ADH1B: variants seen among roughly 807,000 people sequenced by gnomAD.
ADH1B encodes alcohol dehydrogenase 1B (class I), beta polypeptide.
A neutral mutation model predicts 34.6 loss-of-function variants in ADH1B; 29 were observed. That is an observed-to-expected ratio of 0.84 (90% CI 0.62 to 1.14). ADH1B has a LOEUF of 1.14. Among genes scored for constraint, ADH1B ranks in the 50% most tolerant of loss-of-function variants. ADH1B has a pLI of 0.00. For missense variants in ADH1B, 424 were observed against 468.4 expected, an observed-to-expected ratio of 0.91 and a Z score of 0.87; for synonymous variants, 170 against 175.5, an observed-to-expected ratio of 0.97 and a Z score of 0.25.
intron 8 of ADH1B, 108 bp from the exon 9 acceptor site, chr4:99,307,972 C>G: frequency 1.4e-6 from 2 of 1,408,788 alleles, no homozygotes; most frequent in Non-Finnish European, 9.9e-7. Context: ...TGTCTGTGAT[C>G]CCAGCTACCC....
chr4:99,312,035 CT>C (rs929782118), intron 6 of ADH1B, among the ~76,000 whole-genome samples: 1 of 152,306 alleles, frequency 6.6e-6, no homozygotes, highest in African/African-American at 2.4e-5. Context: ...CTGTCCATTT[CT>C]CAAACGGACA....
At chr4:99,308,008 C>T (rs1579506890) in intron 8 of ADH1B, 144 bp from the exon 9 acceptor site, 2 of 1,079,690 alleles carry the variant, frequency 1.9e-6, no homozygotes, top group African/African-American at 3.3e-5. Flanking sequence ...ACATTTGGTT[C>T]AAGAAAAAGG....
In ADH1B at chr4:99,318,227, A is replaced by G. The variant is rs1383027742; in HGVS notation, c.121-43T>C. The G allele has an allele frequency of 2.5e-6, 4 of 1,609,370 alleles. No homozygotes were observed. The African/African-American group carries it at 4.0e-5, about 16-fold the overall frequency. On this transcript the variant is annotated intron_variant, in intron 2 of 8. Transcript: ENST00000305046. Reference sequence around the variant, plus strand: ...GCTGTTCAGATTCAGAAAAGATTGTAACTAGATGAATTTAACATACCCAAA... The same window carrying G: ...GCTGTTCAGATTCAGAAAAGATTGTGACTAGATGAATTTAACATACCCAAA...
intron 8 of ADH1B, among the ~76,000 whole-genome samples, chr4:99,309,846 T>C (rs1334930285): frequency 1.3e-5 from 2 of 152,076 alleles, no homozygotes; most frequent in Admixed American, 6.6e-5. Context: ...CAGGAGATAA[T>C]GCAGGTAAGA....
In ADH1B at chr4:99,315,789, G is replaced by A. The variant is rs1162300960; in HGVS notation, c.567+109C>T. The A allele has an allele frequency of 5.8e-6, 8 of 1,380,180 alleles. No homozygotes were observed. The African/African-American group carries it at 8.6e-5, about 15-fold the overall frequency. 85.5% of individuals were successfully genotyped at this position (1,380,180 alleles called of 1,614,324 possible). A position where few individuals can be genotyped will look rare whatever the true frequency, so the allele number is the denominator to read the frequency against. On this transcript the variant is annotated intron_variant, in intron 5 of 8. Transcript: ENST00000305046. ...CTGGGCCATTTTTCTACTCATAATC[G>A]ACACTTTAAATCTACAAAAATAATT...
In ADH1B at chr4:99,314,359, T is replaced by A. The variant is rs540957054; in HGVS notation, c.568-278A>T. 66 of 475,652 alleles carry A rather than the reference T, an allele frequency of 1.4e-4. No homozygotes were observed. The South Asian group carries it at 2.1e-3, about 15-fold the overall frequency. 29.5% of individuals were successfully genotyped at this position (475,652 alleles called of 1,614,324 possible). On this transcript the variant is annotated intron_variant, in intron 5 of 8. Transcript: ENST00000305046. The stretch of plus-strand genomic sequence containing the variant: ...CAGCCCATGTCAATTAAATGAGGAA[T>A]CTCTGCAGGTGGACTCAGTCCCCAG...
chr4:99,316,117 A>G lies in ADH1B; in HGVS notation c.348T>C (p.Asp116=). Residue 116 remains aspartate, a splice_region_variant and synonymous_variant, in exon 5 of 9, where the codon GAT becomes GAC. Coordinates refer to ENST00000305046, the MANE Select transcript of ADH1B (RefSeq NM_000668.6). ...GCAGGGTCCCCCGAGGATTGCCTAG[A>G]CTGGGCAGTGCAATACACAGACACA... is the stretch of plus-strand genomic sequence containing the variant. ...NPESNYCLKN[D]LGNPRGTLQD... is the part of the protein sequence containing the mutation. 6.2e-7 allele frequency: 1 copy of G among 1,614,182 alleles called. No individual in the cohort carries two copies. The highest frequency in any genetic ancestry group is 8.5e-7 in the Non-Finnish European group (1 of 1,180,022).
Position 99,307,774 on chromosome 4 carries a change from G to A in ADH1B, c.*66C>T. On this transcript the variant is annotated 3_prime_UTR_variant, in exon 9 of 9. Coordinates refer to ENST00000305046, the MANE Select transcript of ADH1B (RefSeq NM_000668.6). Reference sequence around the variant, plus strand: ...GCTGAATTAATGATATTTCCTAGCTGTTGCTCCAGATCTTGTAGGGTAGAG... The same window carrying A: ...GCTGAATTAATGATATTTCCTAGCTATTGCTCCAGATCTTGTAGGGTAGAG... 1.9e-6 allele frequency: 3 copies of A among 1,557,150 alleles called. No homozygotes were observed. Among genetic ancestry groups the A allele is most frequent in the Non-Finnish European group, 2.7e-6 (3 of 1,128,966 alleles).
intron 2 of ADH1B, chr4:99,318,512 G>T: frequency 2.0e-6 from 1 of 506,446 alleles, no homozygotes; most frequent in Non-Finnish European, 3.4e-6. Flanking sequence ...AATATTAATT[G>T]ATTTTGAAGT....
intron 5 of ADH1B, 137 bp from the exon 6 acceptor site, chr4:99,314,218 T>A: frequency 7.3e-7 from 1 of 1,378,678 alleles, no homozygotes; most frequent in Non-Finnish European, 9.8e-7. Flanking sequence ...AAACCTCTTT[T>A]GGCTTCAGTT....
rs139844642 is a variant in ADH1B at position 99,318,416 on chromosome 4, G to T, written c.121-232C>A. On this transcript the variant is annotated intron_variant, in intron 2 of 8. Transcript: ENST00000305046. ...ATTTAGAATAATCTGTGAAATAATT[G>T]ATTCTGAAATATTTAAGTCTTATGT... The T allele has an allele frequency of 1.6e-3, 922 of 583,432 alleles. 7 individuals carry two copies. Among genetic ancestry groups the T allele is most frequent in the African/African-American group, 0.016 (802 of 51,720 alleles). 36.1% of individuals were successfully genotyped at this position (583,432 alleles called of 1,614,324 possible).
At chr4:99,313,756 T>C (rs1258819677) in intron 6 of ADH1B, 65 bp downstream of exon 6, 2 of 1,613,040 alleles carry the variant, frequency 1.2e-6, no homozygotes, top group Non-Finnish European at 1.7e-6. Context: ...AACATATATT[T>C]TGCTGCCTAA....
chr4:99,319,133 CT>C (rs1733959808), intron 1 of ADH1B: 1 of 555,262 alleles, frequency 1.8e-6, no homozygotes, highest in African/African-American at 1.9e-5. Context: ...TTAGGCCATT[CT>C]TATGTTGTTG....
At chr4:99,320,945 A>G in intron 1 of ADH1B, 1 of 1,233,756 alleles carries the variant, frequency 8.1e-7, no homozygotes, top group Non-Finnish European at 1.0e-6. Context: ...AATAAAAATA[A>G]TAACACATTT....
chr4:99,308,091 T>A (rs971024447), intron 8 of ADH1B, among the ~76,000 whole-genome samples: 1 of 152,132 alleles, frequency 6.6e-6, no homozygotes, highest in African/African-American at 2.4e-5. Flanking sequence ...ACATCCTGAG[T>A]ATGCCTGTCA....
intron 6 of ADH1B, among the ~76,000 whole-genome samples, chr4:99,313,188 T>C (rs1304276567): frequency 6.6e-6 from 1 of 151,978 alleles, no homozygotes; most frequent in Non-Finnish European, 1.5e-5. Flanking sequence ...TACACCACCA[T>C]ACCTGGCTAA....
chr4:99,320,998 C>T (rs2110640959), intron 1 of ADH1B: 2 of 925,172 alleles, frequency 2.2e-6, no homozygotes, highest in African/African-American at 3.5e-5. Flanking sequence ...CCATTAAAGA[C>T]TTTTCTAACT....
At position 99,307,520 on chromosome 4, in the gene ADH1B, G is replaced by A. The variant is rs375251171; in HGVS notation, c.*320C>T. 6 of 386,888 alleles carry A rather than the reference G, an allele frequency of 1.6e-5. No homozygotes were observed. Among genetic ancestry groups the A allele is most frequent in the African/African-American group, 1.1e-4 (5 of 47,128 alleles). 24.0% of individuals were successfully genotyped at this position (386,888 alleles called of 1,614,324 possible). ...CTGGGATTCGATGACTAAAGATTAT[G>A]AAGATACCAAAAATGCAAGAAGTCA... On this transcript the variant is annotated 3_prime_UTR_variant, in exon 9 of 9. Coordinates refer to ENST00000305046, the MANE Select transcript of ADH1B (RefSeq NM_000668.6).
chr4:99,310,337 T>C (rs200321601), intron 8 of ADH1B: 459 of 460,188 alleles, frequency 1.0e-3, no homozygotes, highest in Non-Finnish European at 1.6e-3. Context: ...ACTCCTGTAA[T>C]GAAAATGTTG....
Sources: gnomAD v4.1 joint callset for allele counts (sites outside exome capture counted in the v4.1 genomes callset) on GRCh38, gnomAD v4.1.1 for gene constraint, MANE v1.5 for transcripts, NCBI Gene and HGNC (gene_info 2026-07-23, HGNC 2026-07-21) for gene names.